The following ABAT variants were observed in gnomAD, a reference collection of about 807,000 sequenced individuals.
ABAT encodes the protein 4-aminobutyrate aminotransferase, mitochondrial.
ABAT carries 45 observed loss-of-function variants against 64.6 expected under a neutral mutation model. The ratio of observed to expected loss-of-function variants is 0.70; its 90% CI spans 0.55 to 0.89. ABAT has a LOEUF of 0.89. Among genes scored for constraint, ABAT ranks in the 40% least tolerant of loss-of-function variants. The pLI, the probability that ABAT is intolerant of heterozygous loss-of-function variation, is 0.00. For synonymous variants in ABAT, 297 were observed against 250.5 expected (o/e 1.19, Z -1.75); for missense variants, 633 against 658.4 (o/e 0.96, Z 0.42).
At chr16:8,768,140 C>G in intron 9 of ABAT, 53 bp from the exon 10 acceptor site, 1 of 1,537,938 alleles carries the variant, frequency 6.5e-7, no homozygotes, top group Non-Finnish European at 9.0e-7. Context: ...GGCAACAATA[C>G]AGTTCCCCCA....
chr16:8,783,101 A>T lies in ABAT; in HGVS notation c.*1671A>T, dbSNP rs1272473336. The T allele has an allele frequency of 6.6e-6, 1 of 152,190 alleles. No homozygotes were observed. Among genetic ancestry groups the T allele is most frequent in the Non-Finnish European group, 1.5e-5 (1 of 68,034 alleles). The allele number at this position is 152,190 out of a possible 1,614,324, so 9.4% of individuals were successfully genotyped here. ...GTCGTTCTTAATCAGGAGTTCTGCC[A>T]GGTTTAAGGTCACCTGCACTCCCAG... On this transcript the variant is annotated 3_prime_UTR_variant, in exon 16 of 16. Transcript: ENST00000268251.
chr16:8,742,680 C>T (rs1303429676), intron 2 of ABAT, among the ~76,000 whole-genome samples: 1 of 151,922 alleles, frequency 6.6e-6, no homozygotes. Context: ...TCCTGGGAAA[C>T]ATGGCAAAAC....
At chr16:8,741,752 T>G (rs561376946) in intron 2 of ABAT, among the ~76,000 whole-genome samples, 1 of 152,178 alleles carries the variant, frequency 6.6e-6, no homozygotes, top group East Asian at 1.9e-4. Flanking sequence ...ATGCCAACAT[T>G]GAGATATAGA....
rs375846780 is a variant in ABAT, at chr16:8,748,259, AT to A, written c.198+128del. The A allele has an allele frequency of 1.3e-3, 1,164 of 867,406 alleles. 14 individuals are homozygous for A. The African/African-American group carries it at 0.018, about 13-fold the overall frequency. 53.7% of individuals were successfully genotyped at this position (867,406 alleles called of 1,614,324 possible). A position where few individuals can be genotyped will look rare whatever the true frequency, so the allele number is the denominator to read the frequency against. On this transcript the variant is annotated intron_variant, in intron 4 of 15. Coordinates refer to ENST00000268251, the MANE Select transcript of ABAT (RefSeq NM_020686.6). Reference sequence around the variant, plus strand: ...AATGTAGTTGACTTTTGTTCTAAACATTTTTTCTCATTTCCTTTGTGATTTC... The same window carrying A: ...AATGTAGTTGACTTTTGTTCTAAACATTTTTCTCATTTCCTTTGTGATTTC...
At chr16:8,750,349 T>A (rs1490301792) in intron 4 of ABAT, 73 bp from the exon 5 acceptor site, 1 of 1,278,892 alleles carries the variant, frequency 7.8e-7, no homozygotes, top group Admixed American at 1.7e-5. Flanking sequence ...CTTCACTGAT[T>A]CAAGCTTAAT....
chr16:8,754,200 A>ATAAAT (rs1176688936), intron 5 of ABAT, among the ~76,000 whole-genome samples: 1 of 149,130 alleles, frequency 6.7e-6, no homozygotes, highest in African/African-American at 2.5e-5. Flanking sequence ...AAAAAAAAAA[A>ATAAAT]AAAAATTAGC....
At chr16:8,686,222 G>A (rs956021656) in intron 1 of ABAT, among the ~76,000 whole-genome samples, 1 of 152,244 alleles carries the variant, frequency 6.6e-6, no homozygotes, top group African/African-American at 2.4e-5. Flanking sequence ...GGGACAGGCT[G>A]AAAATGCACA....
chr16:8,774,607 C>T (rs994620203), intron 12 of ABAT, among the ~76,000 whole-genome samples: 2 of 152,082 alleles, frequency 1.3e-5, no homozygotes, highest in East Asian at 1.9e-4. Context: ...GATGACATAC[C>T]GCTCTGTGTT....
intron 1 of ABAT, among the ~76,000 whole-genome samples, chr16:8,685,008 G>A (rs1298049149): frequency 6.6e-6 from 1 of 152,070 alleles, no homozygotes; most frequent in Non-Finnish European, 1.5e-5. Flanking sequence ...AACAAGGCCA[G>A]GCATGGTGGT....
chr16:8,770,348 A>G (rs895626880), intron 11 of ABAT, among the ~76,000 whole-genome samples: 1 of 152,208 alleles, frequency 6.6e-6, no homozygotes, highest in African/African-American at 2.4e-5. Context: ...CGTGTTAGCC[A>G]GGATGGTCTC....
chr16:8,675,822 A>G (rs1317653263), intron 1 of ABAT, among the ~76,000 whole-genome samples: 1 of 152,130 alleles, frequency 6.6e-6, no homozygotes, highest in African/African-American at 2.4e-5. Context: ...TCTCTCTTGC[A>G]GTCTGGGAGG....
chr16:8,760,491 G>C (rs1020212029), intron 6 of ABAT: 1 of 152,226 alleles, frequency 6.6e-6, no homozygotes, highest in Non-Finnish European at 1.5e-5. Context: ...GGTGTGCCCC[G>C]CCTGGGAGGG....
Position 8,776,439 on chromosome 16 carries a change from T to C in ABAT, c.1218T>C (p.Asn406=). Residue 406 remains asparagine, a synonymous_variant, in exon 14 of 16, where the codon AAT becomes AAC. Coordinates refer to ENST00000268251, the MANE Select transcript of ABAT (RefSeq NM_020686.6). This position sits in a 1 kb window ranked among gnomAD's most constrained non-coding sequence, Gnocchi z 4.4. ...TCATCAAGCGGGAGGACCTGCTAAA[T>C]AATGCAGCCCATGCCGGGAAGGCCC... The part of the protein sequence containing the change: ...INIIKREDLL[N]NAAHAGKALL... 6.2e-7 allele frequency: 1 copy of C among 1,614,172 alleles called. No individual in the cohort carries two copies. The highest frequency in any genetic ancestry group is 8.5e-7 in the Non-Finnish European group (1 of 1,180,022).
At chr16:8,745,957 C>G (rs2059315851) in intron 2 of ABAT, 44 bp from the exon 3 acceptor site, 4 of 1,563,574 alleles carry the variant, frequency 2.6e-6, no homozygotes, top group Non-Finnish European at 2.6e-6. Context: ...TCCTCATGAT[C>G]TCTGCTGTCA....
intron 1 of ABAT, among the ~76,000 whole-genome samples, chr16:8,704,631 T>C (rs1157469328): frequency 6.6e-6 from 1 of 152,212 alleles, no homozygotes; most frequent in Non-Finnish European, 1.5e-5. Flanking sequence ...ATGATTTTGT[T>C]TTTTTGTGCC....
chr16:8,753,524 C>T (rs1301465889), intron 5 of ABAT, among the ~76,000 whole-genome samples: 1 of 152,254 alleles, frequency 6.6e-6, no homozygotes, highest in African/African-American at 2.4e-5. Flanking sequence ...GCTCCGCTTT[C>T]ATCTCTTCTT....
rs1031623084 is a variant in ABAT at position 8,768,347 on chromosome 16, A to T, written c.667+91A>T. 3.1e-6 allele frequency: 4 copies of T among 1,296,888 alleles called. No individual in the cohort carries two copies. In the African/African-American group the frequency reaches 6.4e-5, roughly 21 times the overall value. The allele number at this position is 1,296,888 out of a possible 1,614,324, so 80.3% of individuals were successfully genotyped here. On this transcript the variant is annotated intron_variant, in intron 10 of 15. Transcript: ENST00000268251. ...GGCGGCTGACATTAGCAGTTTACAC[A>T]TATTGTCCCACTGATTGCACACAAT...
At chr16:8,677,055 G>A (rs1407161403) in intron 1 of ABAT, among the ~76,000 whole-genome samples, 3 of 152,164 alleles carry the variant, frequency 2.0e-5, no homozygotes, top group Admixed American at 6.5e-5. Context: ...GGAGGACCAC[G>A]GTAGAGAGGC....
At chr16:8,775,185 C>A in intron 13 of ABAT, 128 bp downstream of exon 13, 2 of 1,221,270 alleles carry the variant, frequency 1.6e-6, no homozygotes, top group South Asian at 1.3e-5. Flanking sequence ...TTCTAAGTCC[C>A]AGTTCTTATC....
Sources: gnomAD v4.1 joint callset for allele counts (sites outside exome capture counted in the v4.1 genomes callset) on GRCh38, gnomAD v4.1.1 for gene constraint, Gnocchi (gnomAD v3.1) non-coding constraint, MANE v1.5 for transcripts, NCBI Gene and HGNC (gene_info 2026-07-23, HGNC 2026-07-21) for gene names.